The following MAGI2 variants were observed in gnomAD, a reference collection of about 807,000 sequenced individuals.
MAGI2 encodes the protein membrane associated guanylate kinase, WW and PDZ domain containing 2, also known as membrane-associated guanylate kinase, WW and PDZ domain-containing protein 2.
In MAGI2, 35 loss-of-function variants were observed where a neutral mutation model predicts 133.3. The observed-to-expected ratio is 0.26, with a 90% CI of 0.20 to 0.35. MAGI2 has a LOEUF of 0.35. Ranked by LOEUF, MAGI2 falls within the 10% of genes least tolerant of loss-of-function variation. MAGI2 has a pLI of 1.00. For synonymous variants in MAGI2, 729 were observed against 710.6 expected, an observed-to-expected ratio of 1.03 and a Z score of -0.41; for missense variants, 1,636 against 1,863.4, an observed-to-expected ratio of 0.88 and a Z score of 2.25.
chr7:78,404,602 A>G (rs1797207766), intron 6 of MAGI2, among the ~76,000 whole-genome samples: 1 of 152,206 alleles, frequency 6.6e-6, no homozygotes, highest in African/African-American at 2.4e-5. Context: ...GTGCTGGGAA[A>G]ACTGGCTAGC....
At chr7:79,309,625 T>C (rs1400649099) in intron 1 of MAGI2, among the ~76,000 whole-genome samples, 2 of 151,950 alleles carry the variant, frequency 1.3e-5, no homozygotes, top group South Asian at 2.1e-4. Context: ...AGACACGGTA[T>C]ATAATCTGTC....
chr7:79,038,597 C>T (rs983903911), intron 1 of MAGI2, among the ~76,000 whole-genome samples: 2 of 152,112 alleles, frequency 1.3e-5, no homozygotes, highest in Non-Finnish European at 2.9e-5. Context: ...AGCAATCATG[C>T]ACCATTTTCT....
chr7:78,400,665 C>G (rs1442424516), intron 6 of MAGI2, among the ~76,000 whole-genome samples: 1 of 152,130 alleles, frequency 6.6e-6, no homozygotes, highest in Non-Finnish European at 1.5e-5. Context: ...AGCGTTAATT[C>G]TGAGACAAAT....
At chr7:79,236,871 T>C (rs898251714) in intron 1 of MAGI2, among the ~76,000 whole-genome samples, 9 of 152,112 alleles carry the variant, frequency 5.9e-5, no homozygotes, top group African/African-American at 2.2e-4. Context: ...CAAGACTCCA[T>C]CTCTACAAAA....
chr7:79,276,799 A>T (rs937823251), intron 1 of MAGI2, among the ~76,000 whole-genome samples: 9 of 152,050 alleles, frequency 5.9e-5, no homozygotes. Context: ...CCTCATCTTT[A>T]CAAAAAAATT....
At chr7:78,154,779 G>A (rs1824225717) in intron 16 of MAGI2, among the ~76,000 whole-genome samples, 2 of 152,198 alleles carry the variant, frequency 1.3e-5, no homozygotes, top group Admixed American at 1.3e-4. Flanking sequence ...GGTTTGTTAA[G>A]GAGGTAGGAA....
intron 1 of MAGI2, among the ~76,000 whole-genome samples, chr7:79,060,429 T>C (rs1319424389): frequency 6.6e-6 from 1 of 152,098 alleles, no homozygotes; most frequent in African/African-American, 2.4e-5. Flanking sequence ...TATGGATACT[T>C]ACCTCTTAGT....
intron 1 of MAGI2, among the ~76,000 whole-genome samples, chr7:79,300,570 T>C (rs778266658): frequency 4.6e-5 from 7 of 152,192 alleles, no homozygotes; most frequent in Non-Finnish European, 1.0e-4. Flanking sequence ...ATTTGAAATT[T>C]ATATTTAAAA....
At chr7:78,066,792 G>A (rs1813876803) in intron 21 of MAGI2, among the ~76,000 whole-genome samples, 1 of 152,218 alleles carries the variant, frequency 6.6e-6, no homozygotes, top group African/African-American at 2.4e-5. Context: ...GGTGAGATAA[G>A]GGGGATGTGC....
chr7:79,172,199 A>C (rs896951779), intron 1 of MAGI2, among the ~76,000 whole-genome samples: 1 of 152,094 alleles, frequency 6.6e-6, no homozygotes, highest in Admixed American at 6.6e-5. Context: ...TGGAAAATAC[A>C]ATAAAAAATA....
At position 78,573,365 on chromosome 7, in the gene MAGI2, AATATATATATATATATAT is replaced by A. The variant is rs58739225; in HGVS notation, c.539-51738_539-51721del. ...ATATATAGAGAGAGAGAATCCTGGA[AATATATATATATATATAT>A]ATATATATATATATATATATAGGCT... On this transcript the variant is annotated intron_variant, in intron 3 of 21. Transcript: ENST00000354212. 6.2e-4 allele frequency among the ~76,000 whole-genome samples: 18 copies of A among 29,030 alleles called. 1 individual carries two copies. The South Asian group carries it at 8.7e-3, about 14-fold the overall frequency. The allele number at this position is 29,030 out of a possible 152,430, so 19.0% of individuals were successfully genotyped here. A position where few individuals can be genotyped will look rare whatever the true frequency, so the allele number is the denominator to read the frequency against.
At chr7:78,223,734 CT>C (rs943862395) in intron 10 of MAGI2, among the ~76,000 whole-genome samples, 29 of 151,946 alleles carry the variant, frequency 1.9e-4, no homozygotes, top group East Asian at 1.5e-3. Flanking sequence ...TATACTGCCC[CT>C]TTTTTTTCAC....
chr7:79,045,967 G>C (rs1285406589), intron 1 of MAGI2, among the ~76,000 whole-genome samples: 1 of 152,154 alleles, frequency 6.6e-6, no homozygotes, highest in Non-Finnish European at 1.5e-5. Flanking sequence ...CAAATTGCTG[G>C]TTTTGACATT....
At chr7:79,325,672 AAG>A (rs758121481) in intron 1 of MAGI2, among the ~76,000 whole-genome samples, 2 of 152,206 alleles carry the variant, frequency 1.3e-5, no homozygotes, top group Non-Finnish European at 2.9e-5. Context: ...AAAAACATGA[AAG>A]AGTTATTAAT....
chr7:78,968,292 C>T (rs1803499951), intron 2 of MAGI2, among the ~76,000 whole-genome samples: 1 of 151,820 alleles, frequency 6.6e-6, no homozygotes, highest in African/African-American at 2.4e-5. Context: ...TGAAAGATGC[C>T]ACTGAGATTT....
At chr7:78,579,484 C>G (rs1204365124) in intron 3 of MAGI2, among the ~76,000 whole-genome samples, 1 of 152,162 alleles carries the variant, frequency 6.6e-6, no homozygotes, top group African/African-American at 2.4e-5. Flanking sequence ...CCCACCTCCC[C>G]TTCTACCAGG....
intron 2 of MAGI2, among the ~76,000 whole-genome samples, chr7:78,717,505 C>T (rs946589209): frequency 2.0e-5 from 3 of 152,074 alleles, no homozygotes; most frequent in Non-Finnish European, 2.9e-5. Context: ...GGATGTGAAT[C>T]GTGTGTGCTT....
At chr7:79,303,390 G>A (rs1432867381) in intron 1 of MAGI2, among the ~76,000 whole-genome samples, 1 of 151,978 alleles carries the variant, frequency 6.6e-6, no homozygotes, top group Admixed American at 6.6e-5. Context: ...TAGTACCTTG[G>A]GATATTTATC....
intron 3 of MAGI2, among the ~76,000 whole-genome samples, chr7:78,587,702 G>T (rs1803571032): frequency 6.6e-6 from 1 of 152,114 alleles, no homozygotes; most frequent in African/African-American, 2.4e-5. Context: ...TCCACATTTT[G>T]TCTGGATTTC....
Sources: gnomAD v4.1 joint callset for allele counts (sites outside exome capture counted in the v4.1 genomes callset) on GRCh38, gnomAD v4.1.1 for gene constraint, MANE v1.5 for transcripts, NCBI Gene and HGNC (gene_info 2026-07-23, HGNC 2026-07-21) for gene names.